The following CD2 variants were observed in gnomAD, a reference collection of about 807,000 sequenced individuals.
The protein encoded by CD2 is T-cell surface antigen CD2.
Under a neutral mutation model 23.2 loss-of-function variants are expected in CD2, and 18 were observed. That is an observed-to-expected ratio of 0.77 (90% CI 0.54 to 1.15). The LOEUF is 1.15. Ranked by LOEUF, CD2 falls within the 50% of genes most tolerant of loss-of-function variation. The pLI, the probability that CD2 is intolerant of heterozygous loss-of-function variation, is 0.00. For missense variants in CD2, 424 were observed against 423.1 expected, an observed-to-expected ratio of 1.00 and a Z score of -0.02; for synonymous variants, 162 against 151.9, an observed-to-expected ratio of 1.07 and a Z score of -0.49.
At chr1:116,755,154 A>ACCTGCCTACAACTCTGTC in intron 2 of CD2, 1 of 587,544 alleles carries the variant, frequency 1.7e-6, no homozygotes, top group Non-Finnish European at 3.0e-6. Context: ...CCTCAAGTCT[A>ACCTGCCTACAACTCTGTC]CCTGCCTACA....
chr1:116,757,060 G>A (rs1287398280), intron 2 of CD2, among the ~76,000 whole-genome samples: 2 of 149,276 alleles, frequency 1.3e-5, no homozygotes, highest in Non-Finnish European at 3.0e-5. Flanking sequence ...GCACTGGCAT[G>A]ATCTCAGCTC....
intron 2 of CD2, among the ~76,000 whole-genome samples, chr1:116,757,678 C>T (rs1439509991): frequency 2.6e-5 from 4 of 151,566 alleles, no homozygotes; most frequent in Non-Finnish European, 5.9e-5. Context: ...TATAATTTCA[C>T]AATAAAGGGG....
intron 2 of CD2, among the ~76,000 whole-genome samples, chr1:116,760,022 G>A (rs1388201995): frequency 6.6e-6 from 1 of 152,150 alleles, no homozygotes; most frequent in Non-Finnish European, 1.5e-5. Flanking sequence ...CATGTTTTAG[G>A]TGGTGCCCCA....
Position 116,764,519 on chromosome 1 carries a change from T to A in CD2, c.649T>A (p.Cys217Ser), listed in dbSNP as rs768514560. 6.2e-7 allele frequency: 1 copy of A among 1,614,072 alleles called. No homozygotes were observed. Reference protein sequence around the residue: ...GLDIYLIIGICGGGSLLMVFV... With the variant: ...GLDIYLIIGISGGGSLLMVFV... ...GGACATCTATCTCATCATTGGCATA[T>A]GTGGAGGAGGCAGCCTCTTGATGGT... Residue 217 changes from cysteine to serine, a missense_variant, in exon 4 of 5, where the codon TGT (cysteine) becomes AGT (serine). By Grantham distance (112) the Cys-to-Ser change is moderately radical. Transcript: ENST00000369478.
chr1:116,760,747 G>T, intron 3 of CD2, 115 bp downstream of exon 3: 1 of 741,094 alleles, frequency 1.3e-6, no homozygotes. Flanking sequence ...TCAGGATGAG[G>T]CATGAAAGCA....
intron 2 of CD2, among the ~76,000 whole-genome samples, chr1:116,756,628 A>G (rs137944386): frequency 6.6e-6 from 1 of 152,110 alleles, no homozygotes; most frequent in African/African-American, 2.4e-5. Context: ...CAATTTGTCC[A>G]TATACTAAAA....
At chr1:116,766,436 T>A (rs1013679638) in intron 4 of CD2, among the ~76,000 whole-genome samples, 1 of 152,232 alleles carries the variant, frequency 6.6e-6, no homozygotes. Flanking sequence ...AAATTGACAT[T>A]GCGATTTTCA....
intron 3 of CD2, among the ~76,000 whole-genome samples, chr1:116,762,440 A>C (rs945613390): frequency 6.6e-6 from 1 of 152,160 alleles, no homozygotes; most frequent in African/African-American, 2.4e-5. Context: ...GCAGAAGCTC[A>C]TTGCGAGAAG....
intron 4 of CD2, among the ~76,000 whole-genome samples, chr1:116,766,036 C>T (rs184097861): frequency 4.1e-4 from 62 of 152,238 alleles, no homozygotes; most frequent in African/African-American, 1.5e-3. Context: ...GGCAAGGAGC[C>T]CAGAATTTAA....
At chr1:116,757,749 A>G (rs1651904131) in intron 2 of CD2, among the ~76,000 whole-genome samples, 2 of 150,534 alleles carry the variant, frequency 1.3e-5, no homozygotes, top group Admixed American at 6.8e-5. Flanking sequence ...ACATATATAT[A>G]TATAGAGAGA....
chr1:116,764,415 T>C (rs755405770), intron 3 of CD2, 69 bp from the exon 4 acceptor site: 14 of 1,576,282 alleles, frequency 8.9e-6, no homozygotes, highest in Non-Finnish European at 1.1e-5. Flanking sequence ...GGAGGCAGCA[T>C]CCTTGGCCAG....
In CD2 at chr1:116,760,553, C is replaced by T. The variant is rs755527681; in HGVS notation, c.534C>T (p.Thr178=). The T allele has an allele frequency of 3.7e-6, 6 of 1,614,202 alleles. No homozygotes were observed. Among genetic ancestry groups the T allele is most frequent in the Non-Finnish European group, 5.1e-6 (6 of 1,180,038 alleles). ...SQRVITHKWT[T]SLSAKFKCTA... ...GGGTCATCACACACAAGTGGACCAC[C>T]AGCCTGAGTGCAAAATTCAAGTGCA... Residue 178 remains threonine (T), a synonymous_variant, in exon 3 of 5, where the codon ACC becomes ACT. Transcript: ENST00000369478.
intron 3 of CD2, 68 bp downstream of exon 3, chr1:116,760,700 C>A: frequency 8.4e-7 from 1 of 1,190,906 alleles, no homozygotes; most frequent in Non-Finnish European, 1.2e-6. Flanking sequence ...CATGCTGCTC[C>A]AGGTCACAGG....
intron 3 of CD2, among the ~76,000 whole-genome samples, chr1:116,763,052 C>T (rs1259431935): frequency 5.3e-5 from 8 of 152,238 alleles, no homozygotes; most frequent in African/African-American, 1.9e-4. Context: ...AGGAAGTGGC[C>T]TCTGGTATCT....
chr1:116,768,820 G>T lies in CD2; in HGVS notation c.*37G>T. 5 of 1,564,480 alleles carry T rather than the reference G, an allele frequency of 3.2e-6. No individual in the cohort carries two copies. The highest frequency in any genetic ancestry group is 4.3e-6 in the Non-Finnish European group (5 of 1,151,908). ...ACTGTCTTTTTCAATAAAAAGCACT[G>T]TGGATTTCTGCCCTCCTGATGTGCA... On this transcript the variant is annotated 3_prime_UTR_variant, in exon 5 of 5. Coordinates refer to ENST00000369478, the MANE Select transcript of CD2 (RefSeq NM_001767.5).
chr1:116,762,681 C>G (rs538732301), intron 3 of CD2, among the ~76,000 whole-genome samples: 8 of 152,302 alleles, frequency 5.3e-5, no homozygotes, highest in African/African-American at 1.7e-4. Flanking sequence ...GTCACATAAA[C>G]TCATGGGCAT....
chr1:116,761,662 G>A (rs2101163245), intron 3 of CD2, among the ~76,000 whole-genome samples: 1 of 152,302 alleles, frequency 6.6e-6, no homozygotes, highest in East Asian at 1.9e-4. Context: ...CATTCAATCA[G>A]AGGGGATTGC....
At chr1:116,755,946 G>T (rs1385793007) in intron 2 of CD2, among the ~76,000 whole-genome samples, 2 of 152,138 alleles carry the variant, frequency 1.3e-5, no homozygotes, top group Admixed American at 6.5e-5. Context: ...ATGAGCACAG[G>T]CCAGCCATTC....
intron 3 of CD2, among the ~76,000 whole-genome samples, chr1:116,763,687 G>C (rs1264259123): frequency 6.6e-6 from 1 of 152,146 alleles, no homozygotes; most frequent in Non-Finnish European, 1.5e-5. Context: ...AAGGAAACAG[G>C]CTCAGAGAGG....
Sources: allele counts gnomAD v4.1 joint callset (sites outside exome capture counted in the v4.1 genomes callset), GRCh38; gene constraint gnomAD v4.1.1; transcripts MANE v1.5; gene names NCBI Gene and HGNC (gene_info 2026-07-23, HGNC 2026-07-21).